The following SLC24A2 variants were observed in gnomAD, a reference collection of about 807,000 sequenced individuals.
SLC24A2 encodes sodium/potassium/calcium exchanger 2.
A neutral mutation model predicts 62.0 loss-of-function variants in SLC24A2; 36 were observed. The observed-to-expected ratio is 0.58, with a 90% CI of 0.44 to 0.77. SLC24A2 has a LOEUF of 0.77. SLC24A2 is among the 30% of genes least tolerant of loss of function. The pLI, the probability that SLC24A2 is intolerant of heterozygous loss-of-function variation, is 0.00. For missense variants in SLC24A2, 846 were observed against 817.9 expected, an observed-to-expected ratio of 1.03 and a Z score of -0.42; for synonymous variants, 358 against 294.0, an observed-to-expected ratio of 1.22 and a Z score of -2.23.
chr9:19,552,561 C>T (rs898454698), intron 7 of SLC24A2, among the ~76,000 whole-genome samples: 2 of 152,006 alleles, frequency 1.3e-5, no homozygotes, highest in East Asian at 3.9e-4. Flanking sequence ...CCTGAAGACC[C>T]ATCAAGCTGA....
At chr9:19,965,008 GACA>G in the SLC24A2 span, among the ~76,000 whole-genome samples, 1 of 152,218 alleles carries the variant, frequency 6.6e-6, no homozygotes, top group South Asian at 2.1e-4. Context: ...CACATGTAGA[GACA>G]ACAGCCTTAT....
the SLC24A2 span, among the ~76,000 whole-genome samples, chr9:20,042,651 C>G: frequency 6.6e-6 from 1 of 152,146 alleles, no homozygotes; most frequent in South Asian, 2.1e-4. Flanking sequence ...GGCATACCTC[C>G]TTTTATTGTG....
chr9:20,067,207 A>T, the SLC24A2 span, among the ~76,000 whole-genome samples: 1 of 152,216 alleles, frequency 6.6e-6, no homozygotes, highest in Non-Finnish European at 1.5e-5. Flanking sequence ...GCATTCCATT[A>T]AACTTCCAAA....
intron 9 of SLC24A2, among the ~76,000 whole-genome samples, chr9:19,525,514 C>A (rs772693241): frequency 6.6e-6 from 1 of 150,708 alleles, no homozygotes; most frequent in Non-Finnish European, 1.5e-5. Context: ...AATGATCCTC[C>A]CCACTCAACC....
chr9:19,941,590 T>TGTGAGAGAGA, the SLC24A2 span, among the ~76,000 whole-genome samples: 2 of 127,916 alleles, frequency 1.6e-5, no homozygotes, highest in Non-Finnish European at 3.3e-5. Flanking sequence ...TGTGTGTGTG[T>TGTGAGAGAGA]GAGAGAGAGA....
intron 4 of SLC24A2, among the ~76,000 whole-genome samples, chr9:19,618,207 G>A (rs938573747): frequency 1.7e-4 from 26 of 152,208 alleles, no homozygotes; most frequent in Admixed American, 1.7e-3. Context: ...TAGTAGTTGG[G>A]AGGAAGGAGT....
chr9:20,086,475 A>T, the SLC24A2 span, among the ~76,000 whole-genome samples: 2 of 152,118 alleles, frequency 1.3e-5, no homozygotes, highest in Non-Finnish European at 2.9e-5. Flanking sequence ...TAGAATCCTG[A>T]TCTTGTTATA....
intron 4 of SLC24A2, among the ~76,000 whole-genome samples, chr9:19,600,891 A>G (rs1836823357): frequency 6.6e-6 from 1 of 152,236 alleles, no homozygotes; most frequent in South Asian, 2.1e-4. Context: ...GGATTTTTAA[A>G]GAAAAACAAT....
At chr9:19,641,082 G>T (rs564916069) in intron 2 of SLC24A2, among the ~76,000 whole-genome samples, 1 of 152,344 alleles carries the variant, frequency 6.6e-6, no homozygotes, top group East Asian at 1.9e-4. Context: ...TCAGTCTAGT[G>T]ATTTTGCTCT....
intron 7 of SLC24A2, among the ~76,000 whole-genome samples, chr9:19,566,418 T>C (rs1224794925): frequency 6.8e-6 from 1 of 147,942 alleles, no homozygotes; most frequent in African/African-American, 2.5e-5. Flanking sequence ...TGAGATACCA[T>C]CTCACACCAG....
chr9:20,142,618 A>G, the SLC24A2 span, among the ~76,000 whole-genome samples: 1 of 151,728 alleles, frequency 6.6e-6, no homozygotes, highest in East Asian at 1.9e-4. Flanking sequence ...TTTTTTTGAC[A>G]TGGAGTCTCA....
At position 19,785,993 on chromosome 9, in the gene SLC24A2, G is replaced by A. The variant is rs775933946; in HGVS notation, c.874C>T (p.Gln292Ter). The A allele has an allele frequency of 6.2e-7, 1 of 1,614,150 alleles. No individual in the cohort carries two copies. The highest frequency in any genetic ancestry group is 1.7e-5 in the Admixed American group (1 of 60,024). ...FNVQVEKWVK[Q>*]MINRNKVVKV... ...ACGACCTTATTGCGGTTTATCATTT[G>A]CTTCACCCATTTTTCTACTTGGACG... Residue 292 changes from glutamine (Q) to a stop codon, truncating the protein, a stop_gained, in exon 2 of 11, where the codon CAA becomes TAA. Transcript: ENST00000341998. LOFTEE classifies it high-confidence loss of function.
chr9:20,086,392 T>C, the SLC24A2 span, among the ~76,000 whole-genome samples: 42 of 152,172 alleles, frequency 2.8e-4, no homozygotes, highest in Admixed American at 2.5e-3. Flanking sequence ...AGGACTCACC[T>C]TGAGCCCCCA....
intron 3 of SLC24A2, among the ~76,000 whole-genome samples, chr9:19,621,942 C>T (rs1193803010): frequency 6.6e-6 from 1 of 152,100 alleles, no homozygotes. Flanking sequence ...CCACACTACC[C>T]CCAAATATTA....
Position 19,532,434 on chromosome 9 carries a change from G to C in SLC24A2, c.1480-4296C>G, listed in dbSNP as rs576523800. Among the ~76,000 whole-genome samples the C allele has an allele frequency of 3.7e-4, 56 of 152,222 alleles. 1 individual carries two copies. The highest frequency in any genetic ancestry group is 1.3e-3 in the African/African-American group (55 of 41,542). On this transcript the variant is annotated intron_variant, in intron 8 of 10. Coordinates refer to ENST00000341998, the MANE Select transcript of SLC24A2 (RefSeq NM_020344.4). ...AATCAGCTCTAAATTATTTGAGGCC[G>C]AATAGAATGTAAATGCTATGTAAAC...
the SLC24A2 span, among the ~76,000 whole-genome samples, chr9:20,077,066 T>A: frequency 6.6e-6 from 1 of 151,728 alleles, no homozygotes; most frequent in Admixed American, 6.6e-5. Context: ...TTGCATGATC[T>A]CACTTATATG....
chr9:20,048,321 T>C, the SLC24A2 span, among the ~76,000 whole-genome samples: 366 of 152,332 alleles, frequency 2.4e-3, 2 homozygotes, highest in Admixed American at 4.0e-3. Context: ...ATTTGCTTGA[T>C]AAGTCAAATG....
At chr9:20,198,811 C>G in the SLC24A2 span, among the ~76,000 whole-genome samples, 2 of 152,164 alleles carry the variant, frequency 1.3e-5, 1 homozygote, top group South Asian at 4.1e-4. Flanking sequence ...AAACTTCCAA[C>G]TGGCTCTGGC....
chr9:19,689,799 G>C (rs1368438922), intron 2 of SLC24A2, among the ~76,000 whole-genome samples: 1 of 152,020 alleles, frequency 6.6e-6, no homozygotes, highest in Non-Finnish European at 1.5e-5. Context: ...AAATTGACTG[G>C]GCCAAGGGAT....
Sources: gnomAD v4.1 joint callset for allele counts (sites outside exome capture counted in the v4.1 genomes callset) on GRCh38, gnomAD v4.1.1 for gene constraint, MANE v1.5 for transcripts, NCBI Gene and HGNC (gene_info 2026-07-23, HGNC 2026-07-21) for gene names.